The following OPCML variants were observed in gnomAD, a reference collection of about 807,000 sequenced individuals.
OPCML encodes the protein opioid-binding protein/cell adhesion molecule.
A neutral mutation model predicts 37.8 loss-of-function variants in OPCML; 13 were observed. The ratio of observed to expected loss-of-function variants is 0.34; its 90% CI spans 0.22 to 0.55. OPCML has a LOEUF of 0.55. Among genes scored for constraint, OPCML ranks in the 20% least tolerant of loss-of-function variants. OPCML has a pLI of 0.91. For missense variants in OPCML, 341 were observed against 435.6 expected, an observed-to-expected ratio of 0.78 and a Z score of 1.93; for synonymous variants, 176 against 168.8, an observed-to-expected ratio of 1.04 and a Z score of -0.33.
intron 2 of OPCML, among the ~76,000 whole-genome samples, chr11:132,740,855 T>G (rs1275055199): frequency 2.0e-5 from 3 of 152,180 alleles, no homozygotes; most frequent in Non-Finnish European, 4.4e-5. Context: ...GAGTTCAATT[T>G]CTCAACAAAT....
chr11:133,252,929 C>A (rs1315896951), intron 1 of OPCML, among the ~76,000 whole-genome samples: 2 of 152,088 alleles, frequency 1.3e-5, no homozygotes, highest in African/African-American at 2.4e-5. Context: ...GGGTGGATCA[C>A]AAGGTCGAGA....
intron 1 of OPCML, among the ~76,000 whole-genome samples, chr11:133,377,225 T>G (rs1005905465): frequency 6.6e-6 from 1 of 152,050 alleles, no homozygotes; most frequent in African/African-American, 2.4e-5. Flanking sequence ...AAGTCAAAGT[T>G]GCTATTGCGG....
chr11:133,136,402 AG>A (rs1162108234), intron 1 of OPCML, among the ~76,000 whole-genome samples: 2 of 152,160 alleles, frequency 1.3e-5, no homozygotes, highest in African/African-American at 4.8e-5. Context: ...TAGAAGATGG[AG>A]TTTGCAAGCA....
intron 2 of OPCML, among the ~76,000 whole-genome samples, chr11:132,820,106 A>AAT (rs1565887276): frequency 3.4e-5 from 5 of 147,120 alleles, no homozygotes; most frequent in African/African-American, 1.0e-4. Context: ...AATGAATGAA[A>AAT]GAAACCAGAA....
intron 1 of OPCML, among the ~76,000 whole-genome samples, chr11:133,187,489 A>G (rs931159568): frequency 6.6e-6 from 1 of 152,126 alleles, no homozygotes; most frequent in Non-Finnish European, 1.5e-5. Flanking sequence ...GTGGATACCT[A>G]TTCAGTTGCT....
At chr11:133,466,713 A>C (rs1591532757) in intron 1 of OPCML, among the ~76,000 whole-genome samples, 1 of 152,246 alleles carries the variant, frequency 6.6e-6, no homozygotes, top group Non-Finnish European at 1.5e-5. Context: ...AATTTAGATA[A>C]ATTTCAATGA....
intron 3 of OPCML, among the ~76,000 whole-genome samples, chr11:132,597,528 T>C (rs552724909): frequency 1.3e-5 from 2 of 152,276 alleles, no homozygotes; most frequent in East Asian, 3.9e-4. Flanking sequence ...AAAGGAAAGA[T>C]CACATTTCAG....
At chr11:133,051,393 C>T (rs1948128802) in intron 1 of OPCML, among the ~76,000 whole-genome samples, 1 of 152,198 alleles carries the variant, frequency 6.6e-6, no homozygotes, top group Non-Finnish European at 1.5e-5. Context: ...CAGTTAGAGT[C>T]TGCACCCAGA....
At chr11:132,984,831 C>A (rs1324076758) in intron 1 of OPCML, among the ~76,000 whole-genome samples, 1 of 152,210 alleles carries the variant, frequency 6.6e-6, no homozygotes, top group Non-Finnish European at 1.5e-5. Flanking sequence ...CATTTTCACC[C>A]CAGTAGTGTT....
intron 1 of OPCML, among the ~76,000 whole-genome samples, chr11:133,084,398 G>GT (rs1948788243): frequency 6.6e-6 from 1 of 152,138 alleles, no homozygotes; most frequent in Non-Finnish European, 1.5e-5. Context: ...TTCAAGTTTC[G>GT]TTGTTTAGTT....
intron 1 of OPCML, among the ~76,000 whole-genome samples, chr11:133,274,080 CG>C (rs1941925291): frequency 6.6e-6 from 1 of 152,114 alleles, no homozygotes; most frequent in South Asian, 2.1e-4. Flanking sequence ...AGCACTAAGG[CG>C]AGTACACACC....
intron 2 of OPCML, among the ~76,000 whole-genome samples, chr11:132,670,563 A>G (rs1037604355): frequency 6.6e-6 from 1 of 152,190 alleles, no homozygotes; most frequent in Non-Finnish European, 1.5e-5. Context: ...ATTTCTGTGT[A>G]GCATATGGGG....
intron 1 of OPCML, among the ~76,000 whole-genome samples, chr11:133,521,256 A>T (rs1486913732): frequency 6.6e-6 from 1 of 152,240 alleles, no homozygotes; most frequent in Non-Finnish European, 1.5e-5. Flanking sequence ...TCAATACATT[A>T]AACTGCTTGC....
chr11:132,433,405 A>G (rs994255956), intron 7 of OPCML, among the ~76,000 whole-genome samples: 2 of 152,190 alleles, frequency 1.3e-5, no homozygotes, highest in African/African-American at 2.4e-5. Flanking sequence ...ACACATCTAA[A>G]TGTAGCATTT....
chr11:133,121,339 CA>C (rs1949417624), intron 1 of OPCML, among the ~76,000 whole-genome samples: 1 of 152,220 alleles, frequency 6.6e-6, no homozygotes, highest in South Asian at 2.1e-4. Context: ...TCTACTCTGT[CA>C]GTCATCAAAA....
chr11:132,480,771 G>C, intron 4 of OPCML, among the ~76,000 whole-genome samples: 1 of 152,062 alleles, frequency 6.6e-6, no homozygotes, highest in East Asian at 1.9e-4. Flanking sequence ...GCCAAACTAA[G>C]CTTCATAAGT....
intron 1 of OPCML, among the ~76,000 whole-genome samples, chr11:133,098,593 T>C (rs879913668): frequency 6.6e-5 from 10 of 152,110 alleles, no homozygotes; most frequent in Non-Finnish European, 1.3e-4. Context: ...CACAATCATA[T>C]CAATAGATGC....
intron 4 of OPCML, among the ~76,000 whole-genome samples, chr11:132,453,901 A>G (rs1210106795): frequency 6.6e-6 from 1 of 152,196 alleles, no homozygotes; most frequent in African/African-American, 2.4e-5. Flanking sequence ...TCTGAGGAAC[A>G]TTGCTGATGA....
At chr11:132,838,351 T>C (rs1941131649) in intron 2 of OPCML, among the ~76,000 whole-genome samples, 4 of 152,036 alleles carry the variant, frequency 2.6e-5, no homozygotes, top group Admixed American at 2.0e-4. Flanking sequence ...TGGAATAAAC[T>C]AAAGGGAGTA....
Sources: allele counts gnomAD v4.1 joint callset (sites outside exome capture counted in the v4.1 genomes callset), GRCh38; gene constraint gnomAD v4.1.1; transcripts MANE v1.5; gene names NCBI Gene and HGNC (gene_info 2026-07-23, HGNC 2026-07-21).